GPR176: variants seen among roughly 807,000 people sequenced by gnomAD.
GPR176 encodes the protein G-protein coupled receptor 176.
In GPR176, 26 loss-of-function variants were observed where a neutral mutation model predicts 35.4. That is an observed-to-expected ratio of 0.74 (90% CI 0.54 to 1.02). The LOEUF is 1.02. GPR176 is among the 50% of genes least tolerant of loss of function. GPR176 has a pLI of 0.00. For synonymous variants in GPR176, 278 were observed against 271.3 expected (o/e 1.02, Z -0.24); for missense variants, 597 against 665.3 (o/e 0.90, Z 1.13).
At chr15:39,846,091 C>T (rs1056723591) in intron 1 of GPR176, among the ~76,000 whole-genome samples, 1 of 152,194 alleles carries the variant, frequency 6.6e-6, no homozygotes, top group Non-Finnish European at 1.5e-5. Context: ...TCGTTCTGGA[C>T]TTCTACATCT....
chr15:39,886,725 T>C (rs1213496617), intron 1 of GPR176, among the ~76,000 whole-genome samples: 5 of 152,208 alleles, frequency 3.3e-5, no homozygotes, highest in African/African-American at 1.2e-4. Flanking sequence ...AATTAAACTG[T>C]AACAGCTGAA....
At chr15:39,861,308 T>C (rs1269112184) in intron 1 of GPR176, among the ~76,000 whole-genome samples, 1 of 152,082 alleles carries the variant, frequency 6.6e-6, no homozygotes, top group Non-Finnish European at 1.5e-5. Context: ...TCCCAGCACT[T>C]TGGGAGGCCG....
At chr15:39,919,163 G>A (rs1270447413) in intron 1 of GPR176, among the ~76,000 whole-genome samples, 1 of 152,110 alleles carries the variant, frequency 6.6e-6, no homozygotes, top group Non-Finnish European at 1.5e-5. Context: ...ATTTTAATTC[G>A]TTGATCTTTT....
At chr15:39,918,256 T>C (rs567760040) in intron 1 of GPR176, among the ~76,000 whole-genome samples, 2 of 152,280 alleles carry the variant, frequency 1.3e-5, no homozygotes, top group South Asian at 4.1e-4. Context: ...ATAACAGAAG[T>C]AACATTCATT....
chr15:39,899,659 T>C (rs2140869496), intron 1 of GPR176, among the ~76,000 whole-genome samples: 1 of 152,346 alleles, frequency 6.6e-6, no homozygotes, highest in Admixed American at 6.5e-5. Context: ...AGGAGCCAGC[T>C]TGGATACACT....
chr15:39,876,662 T>C (rs2032258206), intron 1 of GPR176, among the ~76,000 whole-genome samples: 2 of 152,034 alleles, frequency 1.3e-5, no homozygotes, highest in Non-Finnish European at 2.9e-5. Flanking sequence ...AGTGAGAACA[T>C]GGCAAAACCC....
chr15:39,837,993 T>TAAA (rs5812142), intron 1 of GPR176, among the ~76,000 whole-genome samples: 6 of 124,522 alleles, frequency 4.8e-5, no homozygotes, highest in East Asian at 2.4e-4. Context: ...CTCCATTAAT[T>TAAA]AAAAAAAAAA....
intron 1 of GPR176, chr15:39,909,902 CT>C: frequency 1.0e-6 from 1 of 979,630 alleles, no homozygotes; most frequent in Non-Finnish European, 1.2e-6. Flanking sequence ...CAAGCTAGTC[CT>C]TTTAAAGCCC....
chr15:39,839,563 C>A, intron 1 of GPR176, among the ~76,000 whole-genome samples: 1 of 152,146 alleles, frequency 6.6e-6, no homozygotes, highest in Non-Finnish European at 1.5e-5. Context: ...AGGACATAGG[C>A]ATGGGCAAGG....
intron 1 of GPR176, among the ~76,000 whole-genome samples, chr15:39,899,121 G>A (rs2140869103): frequency 6.6e-6 from 1 of 152,282 alleles, no homozygotes; most frequent in South Asian, 2.1e-4. Context: ...TGCAGGAAAT[G>A]CAGAATCCTG....
chr15:39,915,344 T>C (rs1398860546), intron 1 of GPR176, among the ~76,000 whole-genome samples: 1 of 152,204 alleles, frequency 6.6e-6, no homozygotes, highest in African/African-American at 2.4e-5. Context: ...TTCCTTCTTA[T>C]AATGTTACTA....
chr15:39,870,592 G>T (rs571928113), intron 1 of GPR176, among the ~76,000 whole-genome samples: 1 of 152,106 alleles, frequency 6.6e-6, no homozygotes. Flanking sequence ...TGGTGTGGGA[G>T]GCATAATTCT....
chr15:39,841,556 G>A (rs1225706990), intron 1 of GPR176, among the ~76,000 whole-genome samples: 2 of 152,126 alleles, frequency 1.3e-5, no homozygotes, highest in African/African-American at 2.4e-5. Context: ...CAGGACTAGA[G>A]TGATGCATCT....
At chr15:39,823,910 C>A (rs899036612) in intron 1 of GPR176, among the ~76,000 whole-genome samples, 1 of 152,120 alleles carries the variant, frequency 6.6e-6, no homozygotes, top group African/African-American at 2.4e-5. Context: ...TCAAAGTTCT[C>A]CTCTGCCTGG....
At chr15:39,818,902 C>A (rs560636282) in intron 1 of GPR176, among the ~76,000 whole-genome samples, 3 of 152,312 alleles carry the variant, frequency 2.0e-5, no homozygotes, top group African/African-American at 7.2e-5. Flanking sequence ...AAAACTTTCA[C>A]GGCTTCACAA....
chr15:39,894,813 G>C (rs544193045), intron 1 of GPR176, among the ~76,000 whole-genome samples: 2 of 152,162 alleles, frequency 1.3e-5, no homozygotes, highest in Non-Finnish European at 2.9e-5. Flanking sequence ...CTTCCCAGAC[G>C]GGGTGGTGGC....
intron 1 of GPR176, among the ~76,000 whole-genome samples, chr15:39,906,432 CCT>C (rs1398267563): frequency 6.6e-6 from 1 of 152,140 alleles, no homozygotes; most frequent in Non-Finnish European, 1.5e-5. Flanking sequence ...TGTATAGCTC[CCT>C]GATGACAACA....
At chr15:39,902,237 G>T (rs928979612) in intron 1 of GPR176, among the ~76,000 whole-genome samples, 4 of 152,166 alleles carry the variant, frequency 2.6e-5, no homozygotes, top group Admixed American at 6.5e-5. Context: ...CACAAAAGAG[G>T]CAGGGTGATT....
chr15:39,855,497 C>T (rs1020960390), intron 1 of GPR176, among the ~76,000 whole-genome samples: 3 of 152,158 alleles, frequency 2.0e-5, no homozygotes, highest in African/African-American at 4.8e-5. Flanking sequence ...TGTACAGAGG[C>T]GTGATTTCCT....
Sources: allele counts gnomAD v4.1 joint callset (sites outside exome capture counted in the v4.1 genomes callset), GRCh38; gene constraint gnomAD v4.1.1; transcripts MANE v1.5; gene names NCBI Gene and HGNC (gene_info 2026-07-23, HGNC 2026-07-21).